The following DAB1 variants were observed in gnomAD, a reference collection of about 807,000 sequenced individuals.
The protein encoded by DAB1 is DAB adaptor protein 1.
In DAB1, 15 loss-of-function variants were observed where a neutral mutation model predicts 64.6. That is an observed-to-expected ratio of 0.23 (90% CI 0.16 to 0.36). The LOEUF is 0.36. DAB1 is among the 10% of genes least tolerant of loss of function. The pLI is 1.00. For synonymous variants in DAB1, 235 were observed against 251.9 expected, an observed-to-expected ratio of 0.93 and a Z score of 0.64; for missense variants, 596 against 706.7, an observed-to-expected ratio of 0.84 and a Z score of 1.78.
intron 5 of DAB1, among the ~76,000 whole-genome samples, chr1:58,130,845 T>G (rs931881088): frequency 1.3e-4 from 20 of 152,296 alleles, no homozygotes; most frequent in African/African-American, 4.8e-4. Context: ...TCTGATGGGC[T>G]TCCCTTTGAG....
chr1:58,136,151 G>A (rs1653931073), intron 5 of DAB1, among the ~76,000 whole-genome samples: 1 of 152,174 alleles, frequency 6.6e-6, no homozygotes, highest in African/African-American at 2.4e-5. Context: ...TTCAGGAGCA[G>A]GTCATCTGAA....
chr1:58,130,182 T>G (rs1281846832), intron 5 of DAB1, among the ~76,000 whole-genome samples: 11 of 148,202 alleles, frequency 7.4e-5, no homozygotes, highest in African/African-American at 2.8e-4. Context: ...TAGCTCTTTT[T>G]GTTGAATTGA....
intron 4 of DAB1, among the ~76,000 whole-genome samples, chr1:58,185,988 T>C (rs1346559627): frequency 2.0e-5 from 3 of 152,216 alleles, no homozygotes; most frequent in Non-Finnish European, 4.4e-5. Flanking sequence ...CCTTCTGTTC[T>C]AACAGCAAAA....
chr1:58,320,183 G>A (rs757328179), intron 4 of DAB1, among the ~76,000 whole-genome samples: 2 of 152,192 alleles, frequency 1.3e-5, no homozygotes, highest in Non-Finnish European at 2.9e-5. Context: ...AATGTGCCCT[G>A]ATAGAGATAC....
intron 4 of DAB1, among the ~76,000 whole-genome samples, chr1:58,186,777 T>G (rs374520285): frequency 2.0e-5 from 3 of 152,314 alleles, no homozygotes; most frequent in Admixed American, 2.0e-4. Flanking sequence ...CTGGCTTTGG[T>G]TGACGGAATT....
intron 14 of DAB1, among the ~76,000 whole-genome samples, chr1:57,001,062 A>T (rs971320147): frequency 2.0e-5 from 3 of 152,200 alleles, no homozygotes; most frequent in East Asian, 1.9e-4. Flanking sequence ...CCCCAGCAGC[A>T]GATAATCCCA....
intron 4 of DAB1, among the ~76,000 whole-genome samples, chr1:58,258,548 G>A (rs553946180): frequency 5.9e-5 from 9 of 152,132 alleles, no homozygotes; most frequent in Non-Finnish European, 1.2e-4. Flanking sequence ...AGGCACAGAC[G>A]AGGTGGTCTC....
At chr1:57,940,501 G>A (rs1165614925) in intron 5 of DAB1, among the ~76,000 whole-genome samples, 2 of 152,196 alleles carry the variant, frequency 1.3e-5, no homozygotes, top group Admixed American at 6.5e-5. Flanking sequence ...GCAGACTAGA[G>A]GATAAGAACC....
chr1:57,047,266 G>A (rs1648621763), intron 9 of DAB1, among the ~76,000 whole-genome samples: 1 of 152,216 alleles, frequency 6.6e-6, no homozygotes, highest in Non-Finnish European at 1.5e-5. Flanking sequence ...ATTGCTTGGT[G>A]AGGTTTCAGT....
chr1:57,882,469 C>A (rs894841606), intron 1 of DAB1, among the ~76,000 whole-genome samples: 1 of 152,162 alleles, frequency 6.6e-6, no homozygotes, highest in African/African-American at 2.4e-5. Flanking sequence ...AATTCCCCCA[C>A]TGGATTTTGA....
At chr1:58,478,786 T>C (rs1033082299) in intron 3 of DAB1, among the ~76,000 whole-genome samples, 2 of 152,214 alleles carry the variant, frequency 1.3e-5, no homozygotes, top group Non-Finnish European at 2.9e-5. Flanking sequence ...GTTTGTGCCT[T>C]GGATTTATTA....
At chr1:57,233,306 A>G (rs1397652133) in intron 2 of DAB1, among the ~76,000 whole-genome samples, 1 of 56,266 alleles carries the variant, frequency 1.8e-5, no homozygotes, top group African/African-American at 4.9e-5. Flanking sequence ...TCTGTCGCCC[A>G]GGCTGGAGTG....
At chr1:58,118,609 C>CATAT (rs774322526) in intron 5 of DAB1, among the ~76,000 whole-genome samples, 1 of 109,648 alleles carries the variant, frequency 9.1e-6, no homozygotes, top group African/African-American at 3.8e-5. Flanking sequence ...TATATATATA[C>CATAT]ATATATATAT....
intron 7 of DAB1, among the ~76,000 whole-genome samples, chr1:57,471,843 C>A (rs1017368066): frequency 2.6e-5 from 4 of 152,136 alleles, no homozygotes; most frequent in African/African-American, 9.7e-5. Flanking sequence ...GTATTATACA[C>A]CATTTTGGTC....
intron 2 of DAB1, among the ~76,000 whole-genome samples, chr1:57,220,032 C>A (rs1009065418): frequency 2.0e-5 from 3 of 152,172 alleles, no homozygotes; most frequent in African/African-American, 7.2e-5. Flanking sequence ...GAGGGAAGAT[C>A]TCACAAGGCC....
chr1:57,928,787 A>C (rs1420160338), intron 5 of DAB1, among the ~76,000 whole-genome samples: 7 of 152,180 alleles, frequency 4.6e-5, no homozygotes, highest in African/African-American at 7.2e-5. Context: ...TTAAGAGCTC[A>C]TTTTTGTTAA....
In DAB1 at chr1:57,482,966, A is replaced by G. The variant is rs72911220; in HGVS notation, n.625+166626T>C. ...TGTTTTTCAGGAAGTAACTCAAGAT[A>G]GAAGAAAATTAAGGTCTATTTGAAC... On this transcript the variant is annotated intron_variant and non_coding_transcript_variant, in intron 7 of 20. Coordinates refer to the DAB1 transcript ENST00000485760. 2.9e-3 allele frequency among the ~76,000 whole-genome samples: 439 copies of G among 152,356 alleles called. 2 individuals carry two copies. The highest frequency in any genetic ancestry group is 9.8e-3 in the African/African-American group (409 of 41,584).
intron 5 of DAB1, among the ~76,000 whole-genome samples, chr1:58,017,469 C>G (rs895044830): frequency 6.6e-6 from 1 of 152,132 alleles, no homozygotes; most frequent in Non-Finnish European, 1.5e-5. Context: ...AAATATGACC[C>G]AAGCAGAGCT....
chr1:58,193,677 G>A (rs1657511879), intron 4 of DAB1, among the ~76,000 whole-genome samples: 1 of 152,110 alleles, frequency 6.6e-6, no homozygotes, highest in Non-Finnish European at 1.5e-5. Context: ...GCAACATGGT[G>A]AAACCCCATC....
Sources: allele counts gnomAD v4.1 joint callset (sites outside exome capture counted in the v4.1 genomes callset), GRCh38; gene constraint gnomAD v4.1.1; transcripts MANE v1.5; gene names NCBI Gene and HGNC (gene_info 2026-07-23, HGNC 2026-07-21).